HRH1: variants seen among roughly 807,000 people sequenced by gnomAD.
The protein encoded by HRH1 is histamine H1 receptor.
HRH1 carries 6 observed loss-of-function variants against 10.3 expected under a neutral mutation model. That is an observed-to-expected ratio of 0.58 (90% CI 0.32 to 1.15). The LOEUF is 1.15. Ranked by LOEUF, HRH1 falls within the 50% of genes most tolerant of loss-of-function variation. The pLI, the probability that HRH1 is intolerant of heterozygous loss-of-function variation, is 0.05. For missense variants in HRH1, 514 were observed against 615.3 expected, an observed-to-expected ratio of 0.84 and a Z score of 1.74; for synonymous variants, 242 against 236.7, an observed-to-expected ratio of 1.02 and a Z score of -0.21.
chr3:11,182,902 G>A (rs1937384474), intron 1 of HRH1, among the ~76,000 whole-genome samples: 1 of 152,164 alleles, frequency 6.6e-6, no homozygotes, highest in Non-Finnish European at 1.5e-5. Context: ...CCTCTCTTTT[G>A]CTGCCACACC....
chr3:11,164,538 T>C (rs1375623709), intron 1 of HRH1, among the ~76,000 whole-genome samples: 1 of 152,162 alleles, frequency 6.6e-6, no homozygotes, highest in Non-Finnish European at 1.5e-5. Flanking sequence ...TTGTTTTGTT[T>C]TGTTTTTCTA....
intron 1 of HRH1, among the ~76,000 whole-genome samples, chr3:11,233,006 A>G (rs1388933961): frequency 6.6e-6 from 1 of 152,104 alleles, no homozygotes; most frequent in African/African-American, 2.4e-5. Flanking sequence ...CATTATGGTA[A>G]GGTGTTTTTC....
intron 1 of HRH1, among the ~76,000 whole-genome samples, chr3:11,139,634 A>T (rs1418858754): frequency 1.3e-5 from 2 of 152,154 alleles, no homozygotes; most frequent in African/African-American, 4.8e-5. Flanking sequence ...ATGAAGGGAT[A>T]CACAAATTGT....
intron 1 of HRH1, among the ~76,000 whole-genome samples, chr3:11,248,536 T>C (rs559477594): frequency 6.6e-6 from 1 of 152,366 alleles, no homozygotes; most frequent in Non-Finnish European, 1.5e-5. Flanking sequence ...GCACAAGTGC[T>C]GCTCCAGGTA....
intron 1 of HRH1, among the ~76,000 whole-genome samples, chr3:11,184,697 C>A (rs148416475): frequency 6.6e-6 from 1 of 152,000 alleles, no homozygotes; most frequent in African/African-American, 2.4e-5. Flanking sequence ...GGGCGGATCA[C>A]CTGAGGTCAG....
Position 11,259,108 on chromosome 3 carries a change from G to C in HRH1, c.71G>C (p.Ser24Thr), listed in dbSNP as rs767366937. The change falls in exon 2 of 2, where the codon AGC becomes ACC. Residue 24 changes from serine (S) to threonine (T), a missense_variant. Transcript: ENST00000431010. The surrounding 1 kb of genome is among the most constrained non-coding windows in gnomAD (Gnocchi z 4.6). Reference protein sequence around the residue: ...MCEGNKTTMASPQLMPLVVVL... With the variant: ...MCEGNKTTMATPQLMPLVVVL... Reference sequence around the variant, plus strand: ...GAGGGCAACAAGACCACTATGGCCAGCCCCCAGCTGATGCCCCTGGTGGTG... The same window carrying C: ...GAGGGCAACAAGACCACTATGGCCACCCCCCAGCTGATGCCCCTGGTGGTG... 5 of 1,613,936 alleles carry C rather than the reference G, an allele frequency of 3.1e-6. No individual in the cohort carries two copies. In the African/African-American group the frequency reaches 6.7e-5, roughly 22 times the overall value.
At chr3:11,148,572 C>T (rs1936515862) in intron 1 of HRH1, among the ~76,000 whole-genome samples, 1 of 152,232 alleles carries the variant, frequency 6.6e-6, no homozygotes, top group South Asian at 2.1e-4. Context: ...ACGAATGTGA[C>T]TCAAAATGGC....
chr3:11,260,603 G>A lies in HRH1; in HGVS notation c.*102G>A. The A allele has an allele frequency of 8.8e-7, 1 of 1,142,544 alleles. No homozygotes were observed. Among genetic ancestry groups the A allele is most frequent in the Non-Finnish European group, 1.3e-6 (1 of 793,618 alleles). The allele number at this position is 1,142,544 out of a possible 1,614,324, so 70.8% of individuals were successfully genotyped here. A position where few individuals can be genotyped will look rare whatever the true frequency, so the allele number is the denominator to read the frequency against. On this transcript the variant is annotated 3_prime_UTR_variant, in exon 2 of 2. Transcript: ENST00000431010. Reference sequence around the variant, plus strand: ...TGCCAGGCAGGCACCTGGGCTTTCTGGAATCCAAACCACAGTCTTAGGGGC... The same window carrying A: ...TGCCAGGCAGGCACCTGGGCTTTCTAGAATCCAAACCACAGTCTTAGGGGC...
At chr3:11,251,798 T>C (rs1349775490) in intron 1 of HRH1, among the ~76,000 whole-genome samples, 4 of 152,368 alleles carry the variant, frequency 2.6e-5, no homozygotes, top group Middle Eastern at 6.8e-3. Flanking sequence ...TTAGGATAGT[T>C]CTGTTCTGGT....
intron 1 of HRH1, among the ~76,000 whole-genome samples, chr3:11,215,504 G>A (rs1461376954): frequency 6.6e-6 from 1 of 152,112 alleles, no homozygotes; most frequent in Non-Finnish European, 1.5e-5. Flanking sequence ...GCAGTGGCAC[G>A]ATCTCAGCTC....
intron 1 of HRH1, among the ~76,000 whole-genome samples, chr3:11,200,252 C>T (rs1937852027): frequency 6.6e-6 from 1 of 152,156 alleles, no homozygotes; most frequent in Non-Finnish European, 1.5e-5. Flanking sequence ...TGAAACTAAC[C>T]AGCCCTGGAG....
chr3:11,184,104 G>C (rs396080), intron 1 of HRH1, among the ~76,000 whole-genome samples: 52,529 of 151,792 alleles, frequency 0.35, 9,301 homozygotes, highest in East Asian at 0.48. Context: ...GGTGCCAAGT[G>C]AAAACAGGAT....
At chr3:11,153,400 G>A (rs1936692557), upstream of HRH1, among the ~76,000 whole-genome samples, 1 of 152,106 alleles carries the variant, frequency 6.6e-6, no homozygotes, top group Admixed American at 6.5e-5. Flanking sequence ...TACACAGCTT[G>A]TGAAGCTGAG....
At chr3:11,178,220 G>A (rs564130676) in intron 1 of HRH1, among the ~76,000 whole-genome samples, 19 of 152,308 alleles carry the variant, frequency 1.2e-4, no homozygotes, top group African/African-American at 4.6e-4. Flanking sequence ...GCTTCTGACT[G>A]CTGGGCTCAG....
At chr3:11,234,685 G>A in intron 1 of HRH1, 1 of 1,131,138 alleles carries the variant, frequency 8.8e-7, no homozygotes, top group Non-Finnish European at 1.3e-6. Context: ...GGACATGGCT[G>A]CAGCCCTGCC....
chr3:11,175,857 A>T (rs539147439), intron 1 of HRH1, among the ~76,000 whole-genome samples: 1 of 152,262 alleles, frequency 6.6e-6, no homozygotes, highest in East Asian at 1.9e-4. Flanking sequence ...GATCAGAGCA[A>T]TCTTAGAAAA....
intron 1 of HRH1, among the ~76,000 whole-genome samples, chr3:11,205,666 CTTT>C (rs1334327486): frequency 2.8e-5 from 4 of 141,380 alleles, no homozygotes; most frequent in Non-Finnish European, 1.6e-5. Flanking sequence ...CACAGGTTTT[CTTT>C]TTTTTTTTTT....
At chr3:11,179,090 C>T (rs568741721) in intron 1 of HRH1, among the ~76,000 whole-genome samples, 3 of 152,210 alleles carry the variant, frequency 2.0e-5, no homozygotes, top group Admixed American at 1.3e-4. Context: ...AAGTTCAAGA[C>T]CAGCCTGGCC....
At chr3:11,245,570 T>C (rs538486824) in intron 1 of HRH1, among the ~76,000 whole-genome samples, 43 of 152,210 alleles carry the variant, frequency 2.8e-4, no homozygotes, top group African/African-American at 9.9e-4. Context: ...GCTGCCCCCA[T>C]TGGTGTCGCA....
Sources: gnomAD v4.1 joint callset for allele counts (sites outside exome capture counted in the v4.1 genomes callset) on GRCh38, gnomAD v4.1.1 for gene constraint, Gnocchi (gnomAD v3.1) non-coding constraint, MANE v1.5 for transcripts, NCBI Gene and HGNC (gene_info 2026-07-23, HGNC 2026-07-21) for gene names.